ACAP2: variants seen among roughly 807,000 people sequenced by gnomAD.
ACAP2 encodes the protein arf-GAP with coiled-coil, ANK repeat and PH domain-containing protein 2.
A neutral mutation model predicts 115.8 loss-of-function variants in ACAP2; 39 were observed. That is an observed-to-expected ratio of 0.34 (90% CI 0.26 to 0.44). ACAP2 has a LOEUF of 0.44. Ranked by LOEUF, ACAP2 falls within the 20% of genes least tolerant of loss-of-function variation. The pLI is 1.00. For synonymous variants in ACAP2, 289 were observed against 315.8 expected (o/e 0.92, Z 0.90); for missense variants, 662 against 927.6 (o/e 0.71, Z 3.72).
chr3:195,429,702 G>A (rs555435879), intron 1 of ACAP2, among the ~76,000 whole-genome samples: 6 of 152,076 alleles, frequency 3.9e-5, no homozygotes, highest in Non-Finnish European at 7.4e-5. Context: ...CTATGAACAC[G>A]AATTAATACT....
intron 1 of ACAP2, among the ~76,000 whole-genome samples, chr3:195,427,958 T>C (rs998179628): frequency 1.3e-5 from 2 of 149,096 alleles, no homozygotes; most frequent in South Asian, 2.2e-4. Context: ...TGTCTGTATG[T>C]ATACATACAC....
chr3:195,381,482 G>A (rs1230533955), intron 3 of ACAP2, among the ~76,000 whole-genome samples: 2 of 152,036 alleles, frequency 1.3e-5, no homozygotes, highest in Non-Finnish European at 2.9e-5. Flanking sequence ...TAAGCTAACC[G>A]AGCATAAGCT....
At chr3:195,360,542 TC>T (rs1320625509) in intron 4 of ACAP2, among the ~76,000 whole-genome samples, 1 of 152,228 alleles carries the variant, frequency 6.6e-6, no homozygotes, top group Non-Finnish European at 1.5e-5. Flanking sequence ...ATGCCTGTAA[TC>T]CCAGTACTTT....
rs1730951008 is a variant in ACAP2, at chr3:195,342,600, T to G, written c.399A>C (p.Glu133Asp). The G allele has an allele frequency of 1.9e-6, 3 of 1,611,344 alleles. No homozygotes were observed. The highest frequency in any genetic ancestry group is 1.7e-4 in the Middle Eastern group (1 of 6,054). ...CATTTTTTACTAACGCATTTTCTTTTTCTTCACTGACTTTTTCGAATTGCT... is the reference window on the plus strand; with the variant it reads ...CATTTTTTACTAACGCATTTTCTTTGTCTTCACTGACTTTTTCGAATTGCT... Reference protein sequence around the residue: ...AKKQFEKVSEEKENALVKNAQ... With the variant: ...AKKQFEKVSEDKENALVKNAQ... The change falls in exon 6 of 23, where the codon GAA (glutamate) becomes GAC (aspartate). Residue 133 changes from glutamate (E) to aspartate (D), a missense_variant. Physicochemically the swap from Glu to Asp is conservative, Grantham distance 45 (BLOSUM62 2). This residue lies in a region of ACAP2 where 401 missense variants were observed against 604.4 expected (regional missense o/e 0.66). Coordinates refer to ENST00000326793, the MANE Select transcript of ACAP2 (RefSeq NM_012287.6).
chr3:195,396,026 G>T (rs1711740884), intron 1 of ACAP2, among the ~76,000 whole-genome samples: 1 of 151,612 alleles, frequency 6.6e-6, no homozygotes, highest in African/African-American at 2.4e-5. Context: ...TGAAGTGGGT[G>T]GATCACATAA....
chr3:195,337,607 C>T (rs1730590753), intron 6 of ACAP2, among the ~76,000 whole-genome samples: 1 of 152,140 alleles, frequency 6.6e-6, no homozygotes, highest in African/African-American at 2.4e-5. Flanking sequence ...TGCCACCACG[C>T]TCGGCTAATT....
chr3:195,391,426 A>G (rs867609630), intron 2 of ACAP2, among the ~76,000 whole-genome samples: 4 of 151,950 alleles, frequency 2.6e-5, no homozygotes, highest in Middle Eastern at 3.4e-3. Flanking sequence ...AGGTTTCTCC[A>G]TGGTGGTCAG....
intron 10 of ACAP2, among the ~76,000 whole-genome samples, chr3:195,311,675 T>C (rs1345303044): frequency 1.4e-5 from 2 of 145,748 alleles, no homozygotes; most frequent in Non-Finnish European, 1.5e-5. Context: ...TAGCTGGGAT[T>C]ACAGGCATGC....
At chr3:195,349,835 A>C in intron 4 of ACAP2, 1 of 359,562 alleles carries the variant, frequency 2.8e-6, no homozygotes, top group Non-Finnish European at 5.5e-6. Flanking sequence ...GGAATTCTAG[A>C]TGTGCGCATT....
intron 10 of ACAP2, among the ~76,000 whole-genome samples, chr3:195,310,928 A>G (rs1728722110): frequency 6.6e-6 from 1 of 152,066 alleles, no homozygotes; most frequent in Non-Finnish European, 1.5e-5. Context: ...TTATACTAAG[A>G]TTTGTGTGTC....
At chr3:195,429,565 T>C (rs1359512877) in intron 1 of ACAP2, among the ~76,000 whole-genome samples, 1 of 152,086 alleles carries the variant, frequency 6.6e-6, no homozygotes, top group Admixed American at 6.6e-5. Context: ...AAACAGTGGT[T>C]GTCTTTAGGT....
Position 195,430,813 on chromosome 3 carries a change from G to T in ACAP2, c.53+11982C>A, listed in dbSNP as rs1715060318. On this transcript the variant is annotated intron_variant, in intron 1 of 22. Coordinates refer to ENST00000326793, the MANE Select transcript of ACAP2 (RefSeq NM_012287.6). ...AAGTCAAGGCGAAAGAAATATGGAG[G>T]CTCAACATGTATTTTCTATTCCACC... Among the ~76,000 whole-genome samples the T allele has an allele frequency of 3.3e-5, 5 of 152,072 alleles. No homozygotes were observed. The South Asian group carries it at 1.0e-3, about 32-fold the overall frequency.
At chr3:195,403,638 G>A (rs915114168) in intron 1 of ACAP2, among the ~76,000 whole-genome samples, 1 of 152,200 alleles carries the variant, frequency 6.6e-6, no homozygotes. Context: ...CGTACACCAG[G>A]TACAGGTAAA....
chr3:195,383,723 A>C (rs1015059227), intron 2 of ACAP2, among the ~76,000 whole-genome samples: 1 of 152,170 alleles, frequency 6.6e-6, no homozygotes, highest in Non-Finnish European at 1.5e-5. Flanking sequence ...ATAGGAAAAC[A>C]ATATTAAGAT....
At chr3:195,356,251 A>G (rs1221883820) in intron 4 of ACAP2, 4 of 454,178 alleles carry the variant, frequency 8.8e-6, no homozygotes, top group Non-Finnish European at 1.8e-5. Context: ...CAATCCCGGC[A>G]GAACTCAGCC....
At chr3:195,300,229 T>C (rs1727959792) in intron 15 of ACAP2, among the ~76,000 whole-genome samples, 1 of 151,966 alleles carries the variant, frequency 6.6e-6, no homozygotes, top group Admixed American at 6.6e-5. Flanking sequence ...GTATTTTTAA[T>C]AGAGACAGTT....
intron 4 of ACAP2, among the ~76,000 whole-genome samples, chr3:195,353,123 A>C (rs1299322125): frequency 1.3e-5 from 2 of 150,548 alleles, no homozygotes; most frequent in Non-Finnish European, 2.9e-5. Context: ...CTGTTTGCCC[A>C]TGCTGCTCTT....
At chr3:195,298,252 CTTTTTTTT>C (rs33951107) in intron 15 of ACAP2, among the ~76,000 whole-genome samples, 1 of 109,960 alleles carries the variant, frequency 9.1e-6, no homozygotes, top group Non-Finnish European at 1.9e-5. Context: ...TTTCTCTCCT[CTTTTTTTT>C]TTTTTTTTTT....
intron 6 of ACAP2, among the ~76,000 whole-genome samples, chr3:195,339,396 T>C (rs1255251537): frequency 2.0e-5 from 3 of 151,844 alleles, no homozygotes. Flanking sequence ...CTGTTTGATA[T>C]GTCTTTTTTT....
Sources: allele counts gnomAD v4.1 joint callset (sites outside exome capture counted in the v4.1 genomes callset), GRCh38; gene constraint gnomAD v4.1.1; regional missense constraint gnomAD v4.1.1; transcripts MANE v1.5; gene names NCBI Gene and HGNC (gene_info 2026-07-23, HGNC 2026-07-21).